The following ASIC2 variants were observed in gnomAD, a reference collection of about 807,000 sequenced individuals.
The protein encoded by ASIC2 is acid-sensing ion channel 2.
ASIC2 carries 25 observed loss-of-function variants against 57.3 expected under a neutral mutation model. The observed-to-expected ratio is 0.44, with a 90% CI of 0.32 to 0.61. The LOEUF is 0.61. Ranked by LOEUF, ASIC2 falls within the 20% of genes least tolerant of loss-of-function variation. ASIC2 has a pLI of 0.06. For missense variants in ASIC2, 641 were observed against 738.1 expected (o/e 0.87, Z 1.52); for synonymous variants, 319 against 307.5 (o/e 1.04, Z -0.39).
At chr17:33,511,638 C>T (rs1195708980) in intron 1 of ASIC2, among the ~76,000 whole-genome samples, 2 of 152,236 alleles carry the variant, frequency 1.3e-5, no homozygotes, top group Non-Finnish European at 2.9e-5. Flanking sequence ...CCATTGCTGC[C>T]TCTGGCCTGG....
intron 1 of ASIC2, among the ~76,000 whole-genome samples, chr17:33,944,255 C>A (rs574709000): frequency 3.3e-5 from 5 of 152,224 alleles, no homozygotes; most frequent in Non-Finnish European, 7.3e-5. Context: ...TCATTTGTAT[C>A]CTGAGGGTGT....
intron 1 of ASIC2, among the ~76,000 whole-genome samples, chr17:33,515,432 T>C (rs906189986): frequency 6.6e-6 from 1 of 152,222 alleles, no homozygotes; most frequent in Non-Finnish European, 1.5e-5. Flanking sequence ...CCATGGCCTA[T>C]GGGTATTTCA....
At position 33,786,363 on chromosome 17, in the gene ASIC2, G is replaced by A. The variant is rs1911600121; in HGVS notation, c.555+369615C>T. Among the ~76,000 whole-genome samples the A allele has an allele frequency of 2.0e-5, 3 of 152,018 alleles. No individual in the cohort carries two copies. In the South Asian group the frequency reaches 6.2e-4, roughly 32 times the overall value. On this transcript the variant is annotated intron_variant, in intron 1 of 9. Coordinates refer to the ASIC2 transcript ENST00000359872. ...GGGTGACCTTGAGCTCCAAGTACAA[G>A]TCGAGATTCCCAGACTTCTTGATGT...
intron 1 of ASIC2, among the ~76,000 whole-genome samples, chr17:33,469,147 G>A (rs1450476125): frequency 2.6e-5 from 4 of 152,196 alleles, no homozygotes; most frequent in African/African-American, 7.2e-5. Context: ...GGAAGGAAGC[G>A]CTTGGCAAAG....
intron 1 of ASIC2, among the ~76,000 whole-genome samples, chr17:33,562,433 T>C (rs1285918210): frequency 6.6e-6 from 1 of 152,188 alleles, no homozygotes; most frequent in African/African-American, 2.4e-5. Context: ...GCCATTCCCA[T>C]TCCTAATCAT....
intron 1 of ASIC2, among the ~76,000 whole-genome samples, chr17:33,733,505 A>G (rs542801095): frequency 1.3e-5 from 2 of 152,280 alleles, no homozygotes; most frequent in Non-Finnish European, 2.9e-5. Context: ...TGAGGGAGAG[A>G]AGATGGAGAC....
At chr17:34,155,884 C>G in intron 1 of ASIC2, 1 of 1,433,812 alleles carries the variant, frequency 7.0e-7, no homozygotes, top group Non-Finnish European at 9.3e-7. Flanking sequence ...TCTCCTGTCC[C>G]AAAGCACAAG....
intron 1 of ASIC2, among the ~76,000 whole-genome samples, chr17:33,708,077 A>G (rs1274288837): frequency 6.6e-6 from 1 of 152,192 alleles, no homozygotes; most frequent in South Asian, 2.1e-4. Flanking sequence ...GTCTCCTGCT[A>G]GATAGGGGAG....
At chr17:33,313,633 A>C (rs1906524283) in intron 1 of ASIC2, among the ~76,000 whole-genome samples, 1 of 152,156 alleles carries the variant, frequency 6.6e-6, no homozygotes, top group South Asian at 2.1e-4. Context: ...TTATTATGAC[A>C]TTTGAATAAC....
At chr17:33,201,544 A>G (rs1161215518) in intron 1 of ASIC2, among the ~76,000 whole-genome samples, 2 of 152,244 alleles carry the variant, frequency 1.3e-5, no homozygotes, top group Admixed American at 6.5e-5. Context: ...GCAATGACCT[A>G]GAAGTTACCA....
intron 1 of ASIC2, among the ~76,000 whole-genome samples, chr17:33,245,204 G>C (rs568028584): frequency 4.0e-4 from 61 of 152,256 alleles, no homozygotes; most frequent in Non-Finnish European, 6.3e-4. Context: ...CAGGGACATG[G>C]CTGCTGTCTT....
At chr17:33,791,499 C>T (rs1445670493) in intron 1 of ASIC2, among the ~76,000 whole-genome samples, 1 of 152,150 alleles carries the variant, frequency 6.6e-6, no homozygotes, top group Non-Finnish European at 1.5e-5. Flanking sequence ...AAATTCAGTA[C>T]AGTAGCCAAG....
At chr17:33,373,739 G>A (rs768428113) in intron 1 of ASIC2, among the ~76,000 whole-genome samples, 2 of 151,944 alleles carry the variant, frequency 1.3e-5, no homozygotes, top group Non-Finnish European at 2.9e-5. Context: ...GTACAGTGGC[G>A]TGATCTTGGC....
intron 1 of ASIC2, among the ~76,000 whole-genome samples, chr17:34,041,895 G>A (rs2142046523): frequency 6.6e-6 from 1 of 152,228 alleles, no homozygotes; most frequent in East Asian, 1.9e-4. Flanking sequence ...ACACAAACCT[G>A]ATCATGTCCC....
At chr17:33,578,913 T>G (rs577058854) in intron 1 of ASIC2, among the ~76,000 whole-genome samples, 1 of 152,134 alleles carries the variant, frequency 6.6e-6, no homozygotes, top group Non-Finnish European at 1.5e-5. Context: ...CAAGAAAAGA[T>G]GGATGGGGTC....
intron 1 of ASIC2, among the ~76,000 whole-genome samples, chr17:33,248,815 G>A (rs963197239): frequency 1.3e-5 from 2 of 152,214 alleles, no homozygotes; most frequent in Non-Finnish European, 2.9e-5. Flanking sequence ...GGGCCTACCT[G>A]GATAATCCTA....
In ASIC2 at chr17:33,492,899, T is replaced by A. The variant is rs955480426; in HGVS notation, c.556-380832A>T. 5.9e-5 allele frequency among the ~76,000 whole-genome samples: 9 copies of A among 152,198 alleles called. No individual in the cohort carries two copies. The South Asian group carries it at 1.9e-3, about 31-fold the overall frequency. On this transcript the variant is annotated intron_variant, in intron 1 of 9. Transcript: ENST00000359872. ...TCTCTGTACATAGCCTGCGTGGATG[T>A]GGGTCAAGGGCCCCCGTGCAGCCCT...
At chr17:33,762,285 T>G (rs1597865808) in intron 1 of ASIC2, among the ~76,000 whole-genome samples, 2 of 152,272 alleles carry the variant, frequency 1.3e-5, no homozygotes, top group Middle Eastern at 3.4e-3. Flanking sequence ...TGAAAAGATA[T>G]CAACCATTTA....
intron 1 of ASIC2, among the ~76,000 whole-genome samples, chr17:33,380,539 T>C (rs1013177779): frequency 1.3e-5 from 2 of 152,190 alleles, no homozygotes; most frequent in Non-Finnish European, 2.9e-5. Context: ...CAGAGACCCA[T>C]CTGTCTCCAG....
Sources: gnomAD v4.1 joint callset for allele counts (sites outside exome capture counted in the v4.1 genomes callset) on GRCh38, gnomAD v4.1.1 for gene constraint, MANE v1.5 for transcripts, NCBI Gene and HGNC (gene_info 2026-07-23, HGNC 2026-07-21) for gene names.